The following TIPARP variants were observed in gnomAD, a reference collection of about 807,000 sequenced individuals.
TIPARP encodes the protein protein mono-ADP-ribosyltransferase TIPARP.
Under a neutral mutation model 56.5 loss-of-function variants are expected in TIPARP, and 12 were observed. That is an observed-to-expected ratio of 0.21 (90% CI 0.14 to 0.34). The LOEUF is 0.34. Ranked by LOEUF, TIPARP falls within the 10% of genes least tolerant of loss-of-function variation. The pLI is 1.00. For missense variants in TIPARP, 604 were observed against 781.6 expected, an observed-to-expected ratio of 0.77 and a Z score of 2.71; for synonymous variants, 296 against 265.7, an observed-to-expected ratio of 1.11 and a Z score of -1.11.
At chr3:156,691,873 A>G (rs1231758319) in intron 2 of TIPARP, among the ~76,000 whole-genome samples, 1 of 152,178 alleles carries the variant, frequency 6.6e-6, no homozygotes, top group Non-Finnish European at 1.5e-5. Context: ...GTAAATTAGG[A>G]TTTGTCGTAG....
At position 156,704,829 on chromosome 3, in the gene TIPARP, A is replaced by G. The variant is rs766769030; in HGVS notation, c.1672A>G (p.Met558Val). 1.1e-5 allele frequency: 17 copies of G among 1,614,086 alleles called. No individual in the cohort carries two copies. In the Admixed American group the frequency reaches 1.8e-4, roughly 17 times the overall value. The change falls in exon 6 of 6, where the codon ATG becomes GTG. Residue 558 changes from methionine to valine, a missense_variant. By Grantham distance (21) the Met-to-Val change is conservative. Transcript: ENST00000295924. Reference sequence around the variant, plus strand: ...TCGAGTCTGTGGAAAGCATGCTACAATGTTTGGACAAGGCAGTTATTTTGC... The same window carrying G: ...TCGAGTCTGTGGAAAGCATGCTACAGTGTTTGGACAAGGCAGTTATTTTGC... ...DPRVCGKHATMFGQGSYFAKK... is the reference protein window; with the variant it reads ...DPRVCGKHATVFGQGSYFAKK...
chr3:156,681,238 T>C (rs1005177256), intron 2 of TIPARP: 9 of 456,340 alleles, frequency 2.0e-5, no homozygotes, highest in Non-Finnish European at 4.0e-5. Context: ...ATCTCTGTGG[T>C]CAGGCCTGTA....
chr3:156,686,123 GAGTC>G (rs1398173838), intron 2 of TIPARP, among the ~76,000 whole-genome samples: 1 of 152,178 alleles, frequency 6.6e-6, no homozygotes, highest in East Asian at 1.9e-4. Flanking sequence ...ATGTGAAACA[GAGTC>G]AGGGTAAAGT....
intron 1 of TIPARP, among the ~76,000 whole-genome samples, chr3:156,676,212 A>C (rs910703630): frequency 1.3e-5 from 2 of 152,186 alleles, no homozygotes; most frequent in African/African-American, 4.8e-5. Context: ...CAGTTGATTT[A>C]TGTCTCATGT....
Position 156,677,874 on chromosome 3 carries a change from A to T in TIPARP, c.177A>T (p.Ile59=), listed in dbSNP as rs745706951. The change falls in exon 2 of 6, where the codon ATA becomes ATT. Residue 59 remains isoleucine (I), a synonymous_variant. Coordinates refer to ENST00000295924, the MANE Select transcript of TIPARP (RefSeq NM_015508.5). ...GTGTLRSLRP[I]LNTLLESGSL... is the part of the protein sequence containing the mutation. ...GAACCCTGAGGTCTTTGAGGCCAAT[A>T]TTAAACACTCTTCTAGAATCTGGCT... The T allele has an allele frequency of 2.7e-5, 44 of 1,614,068 alleles. No individual in the cohort carries two copies. The highest frequency in any genetic ancestry group is 3.5e-5 in the Non-Finnish European group (41 of 1,180,040).
intron 4 of TIPARP, among the ~76,000 whole-genome samples, chr3:156,697,893 T>A (rs544807480): frequency 6.6e-6 from 1 of 152,248 alleles, no homozygotes; most frequent in South Asian, 2.1e-4. Context: ...TGTTGAAAGC[T>A]GAGATAAGCC....
rs756829036 is a variant in TIPARP at position 156,704,174 on chromosome 3, T to C, written c.1526+472T>C. Among the ~76,000 whole-genome samples the C allele has an allele frequency of 1.7e-4, 26 of 152,286 alleles. 1 individual carries two copies. Among genetic ancestry groups the C allele is most frequent in the Non-Finnish European group, 3.1e-4 (21 of 68,032 alleles). On this transcript the variant is annotated intron_variant, in intron 5 of 5. Transcript: ENST00000295924. ...ACAGACATAAGTAGGATTATTACAA[T>C]TTATATCCTACAGAGAAGAAGAAAC...
At chr3:156,681,260 T>C (rs1226413623) in intron 2 of TIPARP, 1 of 454,182 alleles carries the variant, frequency 2.2e-6, no homozygotes, top group African/African-American at 2.0e-5. Context: ...AGCTGGTCTA[T>C]CTGTGCAGAT....
At chr3:156,679,233 A>G (rs540969732) in intron 2 of TIPARP, among the ~76,000 whole-genome samples, 1 of 152,254 alleles carries the variant, frequency 6.6e-6, no homozygotes, top group African/African-American at 2.4e-5. Flanking sequence ...GAGTCCTTTA[A>G]CAATCAGTGA....
intron 3 of TIPARP, 74 bp downstream of exon 3, chr3:156,694,262 C>T: frequency 7.3e-7 from 1 of 1,378,436 alleles, no homozygotes; most frequent in East Asian, 2.4e-5. Flanking sequence ...TTTATTCTTT[C>T]TTTACAACAA....
chr3:156,699,300 A>G (rs180747), intron 4 of TIPARP, among the ~76,000 whole-genome samples: 145,107 of 152,274 alleles, frequency 0.95, 69,180 homozygotes, highest in Middle Eastern at 0.99. Flanking sequence ...ATGGTACTGC[A>G]TGCAACAGAA....
At chr3:156,684,923 G>T (rs960215968) in intron 2 of TIPARP, among the ~76,000 whole-genome samples, 2 of 152,130 alleles carry the variant, frequency 1.3e-5, no homozygotes, top group Admixed American at 6.6e-5. Flanking sequence ...TCAAATTTTT[G>T]AGATTAATTC....
chr3:156,702,833 G>C (rs1468424260), intron 4 of TIPARP, among the ~76,000 whole-genome samples: 1 of 152,166 alleles, frequency 6.6e-6, no homozygotes, highest in African/African-American at 2.4e-5. Context: ...CACACTCAAA[G>C]CTATAAAAGT....
At chr3:156,681,694 A>G (rs369991569) in intron 2 of TIPARP, among the ~76,000 whole-genome samples, 11 of 152,184 alleles carry the variant, frequency 7.2e-5, no homozygotes, top group African/African-American at 2.7e-4. Flanking sequence ...TTAAAAAAGG[A>G]TTTCAATAAT....
chr3:156,675,250 GAA>G (rs1403233067), intron 1 of TIPARP: 9 of 152,248 alleles, frequency 5.9e-5, no homozygotes, highest in Admixed American at 2.6e-4. Context: ...CAGAAGTTTG[GAA>G]GATGTTTTCA....
intron 2 of TIPARP, among the ~76,000 whole-genome samples, chr3:156,678,883 G>A (rs1426610857): frequency 6.6e-6 from 1 of 152,164 alleles, no homozygotes; most frequent in Non-Finnish European, 1.5e-5. Context: ...TAAATATTGT[G>A]AATCAAATAC....
chr3:156,680,312 G>A (rs972257838), intron 2 of TIPARP, among the ~76,000 whole-genome samples: 3 of 151,832 alleles, frequency 2.0e-5, no homozygotes, highest in Admixed American at 6.6e-5. Context: ...TTTTTAAGCC[G>A]GCATTGGAAG....
Position 156,704,618 on chromosome 3 carries a change from ACAT to A in TIPARP, c.1527-62_1527-60del. 2.0e-6 allele frequency: 3 copies of A among 1,488,620 alleles called. No individual in the cohort carries two copies. In the Admixed American group the frequency reaches 6.2e-5, roughly 31 times the overall value. The allele number at this position is 1,488,620 out of a possible 1,614,324, so 92.2% of individuals were successfully genotyped here. On this transcript the variant is annotated intron_variant, in intron 5 of 5. Transcript: ENST00000295924. ...AAACCATAAAGAGAAGTTTATGACTACATCATGCCTGTTAAATTGACCTGTATT... is the reference window on the plus strand; with the variant it reads ...AAACCATAAAGAGAAGTTTATGACTACATGCCTGTTAAATTGACCTGTATT...
chr3:156,703,082 T>C (rs962532297), intron 4 of TIPARP, among the ~76,000 whole-genome samples: 3 of 152,202 alleles, frequency 2.0e-5, no homozygotes, highest in Non-Finnish European at 4.4e-5. Flanking sequence ...AGAAAACATA[T>C]AACAAAGTTT....
Sources: allele counts gnomAD v4.1 joint callset (sites outside exome capture counted in the v4.1 genomes callset), GRCh38; gene constraint gnomAD v4.1.1; transcripts MANE v1.5; gene names NCBI Gene and HGNC (gene_info 2026-07-23, HGNC 2026-07-21).